The following NOBOX variants were observed in gnomAD, a reference collection of about 807,000 sequenced individuals.
The protein encoded by NOBOX is homeobox protein NOBOX.
In NOBOX, 46 loss-of-function variants were observed where a neutral mutation model predicts 60.2. The observed-to-expected ratio is 0.76, with a 90% CI of 0.60 to 0.98. NOBOX has a LOEUF of 0.98. NOBOX is among the 50% of genes least tolerant of loss of function. NOBOX has a pLI of 0.00. For synonymous variants in NOBOX, 360 were observed against 346.3 expected (o/e 1.04, Z -0.44); for missense variants, 880 against 865.5 (o/e 1.02, Z -0.21).
rs1233084352 is a variant in NOBOX at position 144,397,479 on chromosome 7, G to A, written c.1837C>T (p.Gln613Ter). 6.5e-7 allele frequency: 1 copy of A among 1,537,188 alleles called. No homozygotes were observed. Among genetic ancestry groups the A allele is most frequent in the Non-Finnish European group, 8.7e-7 (1 of 1,146,854 alleles). Residue 613 changes from glutamine to a stop codon, truncating the protein, a stop_gained, in exon 10 of 10, where the codon CAA (glutamine) becomes TAA (stop). Coordinates refer to ENST00000467773, the MANE Select transcript of NOBOX (RefSeq NM_001080413.3). LOFTEE classifies it low-confidence loss of function (END_TRUNC). ...CCTCCTGGGGGATGCCCCAGAGCTT[G>A]TGGGCAGAACGGACCAGGGAAGGGC... is the stretch of plus-strand genomic sequence containing the variant.
intron 7 of NOBOX, 83 bp from the exon 6 acceptor site, chr7:144,399,261 A>C: frequency 1.1e-6 from 1 of 936,320 alleles, no homozygotes; most frequent in Non-Finnish European, 1.7e-6. Flanking sequence ...GACACAAGCC[A>C]TGCCCAGGTC....
Position 144,401,543 on chromosome 7 carries a change from A to G in NOBOX, c.347T>C (p.Leu116Pro). ...CTGAGCATGAGGGGCTGAGCCCCGG[A>G]GCAGTTCCTCCTCCCCGGGTCCTGC... The change falls in exon 4 of 10, where the codon CTC becomes CCC. Residue 116 changes from leucine to proline, a missense_variant. Leu to Pro is a moderately conservative substitution (Grantham distance 98). Transcript: ENST00000467773. The surrounding 1 kb of genome is among the most constrained non-coding windows in gnomAD (Gnocchi z 4.2). 6.6e-7 allele frequency: 1 copy of G among 1,514,822 alleles called. No homozygotes were observed. Among genetic ancestry groups the G allele is most frequent in the East Asian group, 2.3e-5 (1 of 44,114 alleles). The allele number at this position is 1,514,822 out of a possible 1,614,324, so 93.8% of individuals were successfully genotyped here. A position where few individuals can be genotyped will look rare whatever the true frequency, so the allele number is the denominator to read the frequency against.
chr7:144,398,958 C>A lies in NOBOX; in HGVS notation c.1461G>T (p.Trp487Cys). The A allele has an allele frequency of 6.4e-7, 1 of 1,554,554 alleles. No homozygotes were observed. ...CCCCGTAGGTTCCTTACCTTGTCCCCCAGGACCCACAGGGGCCGTCCTTGT... is the reference window on the plus strand; with the variant it reads ...CCCCGTAGGTTCCTTACCTTGTCCCACAGGACCCACAGGGGCCGTCCTTGT... Residue 487 changes from tryptophan (W) to cysteine (C), a missense_variant, in exon 8 of 10, where the codon TGG becomes TGT. Coordinates refer to ENST00000467773, the MANE Select transcript of NOBOX (RefSeq NM_001080413.3).
At chr7:144,402,722 G>T (rs117111454) in intron 2 of NOBOX, among the ~76,000 whole-genome samples, 2 of 148,620 alleles carry the variant, frequency 1.3e-5, no homozygotes, top group African/African-American at 2.5e-5. Flanking sequence ...AATGAAAATT[G>T]CATGAGATAG....
rs765954014 is a variant in NOBOX at position 144,397,457 on chromosome 7, C to G, written c.1859G>C (p.Gly620Ala). The G allele has an allele frequency of 5.9e-6, 9 of 1,536,788 alleles. No homozygotes were observed. In the African/African-American group the frequency reaches 1.2e-4, roughly 21 times the overall value. ...TAGATCAGGAAAGTAGCCATCCCCT[C>G]CTGGGGGATGCCCCAGAGCTTGTGG... Residue 620 changes from glycine to alanine, a missense_variant, in exon 10 of 10, where the codon GGA (glycine) becomes GCA (alanine). Coordinates refer to ENST00000467773, the MANE Select transcript of NOBOX (RefSeq NM_001080413.3).
Position 144,401,925 on chromosome 7 carries a change from G to A in NOBOX, c.236C>T (p.Pro79Leu), listed in dbSNP as rs752588796. 1.9e-6 allele frequency: 3 copies of A among 1,612,760 alleles called. No homozygotes were observed. The highest frequency in any genetic ancestry group is 2.5e-6 in the Non-Finnish European group (3 of 1,178,864). Reference sequence around the variant, plus strand: ...GGGTATGAGTTTGAGGGACTGTTCAGGTATCTCTAAGGGATCATGTTGGGG... The same window carrying A: ...GGGTATGAGTTTGAGGGACTGTTCAAGTATCTCTAAGGGATCATGTTGGGG... The change falls in exon 3 of 10, where the codon CCT (proline) becomes CTT (leucine). Residue 79 changes from proline to leucine, a missense_variant. By Grantham distance (98) the Pro-to-Leu change is moderately conservative. Transcript: ENST00000467773. This position sits in a 1 kb window ranked among gnomAD's most constrained non-coding sequence, Gnocchi z 4.2.
rs568215435 is a variant in NOBOX, at chr7:144,397,444, G to T, written c.1872C>A (p.Tyr624Ter). ...AGGGAGTTGGAAATAGATCAGGAAA[G>T]TAGCCATCCCCTCCTGGGGGATGCC... is the stretch of plus-strand genomic sequence containing the variant. The change falls in exon 10 of 10, where the codon TAC becomes TAA. Residue 624 changes from tyrosine to a stop codon, truncating the protein, a stop_gained. Coordinates refer to ENST00000467773, the MANE Select transcript of NOBOX (RefSeq NM_001080413.3). LOFTEE classifies it low-confidence loss of function (END_TRUNC). 2.9e-5 allele frequency: 44 copies of T among 1,537,242 alleles called. No homozygotes were observed. The highest frequency in any genetic ancestry group is 4.1e-5 in the African/African-American group (3 of 73,166).
In NOBOX at chr7:144,402,039, G is replaced by A. The variant is rs139479995; in HGVS notation, c.211-89C>T. The stretch of plus-strand genomic sequence containing the variant: ...GGATGCTGTTTCTGCTGCACAACAG[G>A]CATTATTGCTTGGAGAAGGGACAAG... On this transcript the variant is annotated intron_variant, in intron 2 of 9. Coordinates refer to ENST00000467773, the MANE Select transcript of NOBOX (RefSeq NM_001080413.3). 5.1e-3 allele frequency: 4,826 copies of A among 938,686 alleles called. 86 individuals are homozygous for A. Among genetic ancestry groups the A allele is most frequent in the East Asian group, 0.02 (844 of 41,226 alleles). The allele number at this position is 938,686 out of a possible 1,614,324, so 58.1% of individuals were successfully genotyped here.
In NOBOX at chr7:144,401,719, A is replaced by G; in HGVS notation, c.293-122T>C. 9.2e-7 allele frequency: 1 copy of G among 1,090,048 alleles called. No individual in the cohort carries two copies. Among genetic ancestry groups the G allele is most frequent in the Non-Finnish European group, 1.3e-6 (1 of 769,590 alleles). The allele number at this position is 1,090,048 out of a possible 1,614,324, so 67.5% of individuals were successfully genotyped here. ...TTAAGCTTTAATTTGTCTACCTATC[A>G]AATGGGGTAATAATTCCACACTTAC... is the stretch of plus-strand genomic sequence containing the variant. On this transcript the variant is annotated intron_variant, in intron 3 of 9. Coordinates refer to ENST00000467773, the MANE Select transcript of NOBOX (RefSeq NM_001080413.3). This position sits in a 1 kb window ranked among gnomAD's most constrained non-coding sequence, Gnocchi z 4.2.
intron 2 of NOBOX, chr7:144,403,693 T>C (rs1430446546): frequency 5.8e-6 from 4 of 689,904 alleles, no homozygotes; most frequent in South Asian, 1.5e-5. Context: ...GTGGGTTCCA[T>C]GGCCTGGACT....
Position 144,397,533 on chromosome 7 carries a change from A to G in NOBOX, c.1783T>C (p.Ser595Pro). The G allele has an allele frequency of 6.6e-7, 1 of 1,524,572 alleles. No individual in the cohort carries two copies. The highest frequency in any genetic ancestry group is 8.8e-7 in the Non-Finnish European group (1 of 1,138,804). 94.4% of individuals were successfully genotyped at this position (1,524,572 alleles called of 1,614,324 possible). The stretch of plus-strand genomic sequence containing the variant: ...TCTGGCAAACAGGGGTCACTCCAGG[A>G]GGCTGTACCTGTGGGGTCGGAGGGT... The change falls in exon 10 of 10, where the codon TCC (serine) becomes CCC (proline). Residue 595 changes from serine (S) to proline (P), a missense_variant. Physicochemically the swap from Ser to Pro is moderately conservative, Grantham distance 74. Transcript: ENST00000467773.
chr7:144,401,346 C>T lies in NOBOX; in HGVS notation c.544G>A (p.Gly182Arg). Residue 182 changes from glycine to arginine, a missense_variant, in exon 4 of 10, where the codon GGG (glycine) becomes AGG (arginine). Transcript: ENST00000467773. This position sits in a 1 kb window ranked among gnomAD's most constrained non-coding sequence, Gnocchi z 4.2. Reference sequence around the variant, plus strand: ...CCCACTGGGAGGGAACAATCTTCCCCCTGAGTCTGGGGCCTGGAGCGGGCT... The same window carrying T: ...CCCACTGGGAGGGAACAATCTTCCCTCTGAGTCTGGGGCCTGGAGCGGGCT... 1 of 1,613,778 alleles carries T rather than the reference C, an allele frequency of 6.2e-7. No homozygotes were observed.
chr7:144,407,886 T>C (rs1360533236), intron 1 of NOBOX, among the ~76,000 whole-genome samples: 1 of 152,240 alleles, frequency 6.6e-6, no homozygotes, highest in Non-Finnish European at 1.5e-5. Flanking sequence ...CTGCTGCTGC[T>C]GCCATTGTTT....
rs1312381469 is a variant in NOBOX, at chr7:144,401,951, C to T, written c.211-1G>A. 1.9e-5 allele frequency: 30 copies of T among 1,608,734 alleles called. No homozygotes were observed. The East Asian group carries it at 6.5e-4, about 35-fold the overall frequency. On this transcript the variant is annotated splice_acceptor_variant, in intron 2 of 9. Transcript: ENST00000467773. LOFTEE classifies it high-confidence loss of function. This position sits in a 1 kb window ranked among gnomAD's most constrained non-coding sequence, Gnocchi z 4.2. Reference sequence around the variant, plus strand: ...GTATCTCTAAGGGATCATGTTGGGGCTGCGGATGGACCAGGAAGACAAAGA... The same window carrying T: ...GTATCTCTAAGGGATCATGTTGGGGTTGCGGATGGACCAGGAAGACAAAGA...
chr7:144,410,044 G>T, intron 1 of NOBOX: 1 of 706,252 alleles, frequency 1.4e-6, no homozygotes, highest in Non-Finnish European at 2.4e-6. Context: ...AAGAGGGGAT[G>T]CTCTACCAAG....
At chr7:144,400,409 GC>G in intron 4 of NOBOX, 97 bp from the exon 3 acceptor site, 3 of 1,089,266 alleles carry the variant, frequency 2.8e-6, no homozygotes, top group Non-Finnish European at 4.1e-6. Flanking sequence ...AACAGATGGG[GC>G]CACTGCCCCT....
intron 2 of NOBOX, chr7:144,404,540 C>T: frequency 1.2e-6 from 2 of 1,609,748 alleles, no homozygotes; most frequent in South Asian, 2.2e-5. Context: ...TGAGCCACAG[C>T]GCTCGCCCCC....
intron 1 of NOBOX, chr7:144,404,723 G>GT: frequency 6.2e-7 from 1 of 1,604,504 alleles, no homozygotes; most frequent in Non-Finnish European, 8.5e-7. Context: ...TCCATTTGGT[G>GT]TTTCGATTTT....
chr7:144,406,474 C>A (rs1184077109), intron 1 of NOBOX, among the ~76,000 whole-genome samples: 1 of 151,906 alleles, frequency 6.6e-6, no homozygotes, highest in Non-Finnish European at 1.5e-5. Context: ...AGGAGAATTG[C>A]TGGAATCCAG....
Sources: allele counts gnomAD v4.1 joint callset (sites outside exome capture counted in the v4.1 genomes callset), GRCh38; gene constraint gnomAD v4.1.1; non-coding constraint Gnocchi (gnomAD v3.1); transcripts MANE v1.5; gene names NCBI Gene and HGNC (gene_info 2026-07-23, HGNC 2026-07-21).